The following CCSER1 variants were observed in gnomAD, a reference collection of about 807,000 sequenced individuals.
CCSER1 encodes the protein serine-rich coiled-coil domain-containing protein 1.
A neutral mutation model predicts 82.0 loss-of-function variants in CCSER1; 41 were observed. The ratio of observed to expected loss-of-function variants is 0.50; its 90% confidence interval spans 0.39 to 0.65. CCSER1 has a LOEUF of 0.65. Ranked by LOEUF, CCSER1 falls within the 30% of genes least tolerant of loss-of-function variation. The pLI, the probability that CCSER1 is intolerant of heterozygous loss-of-function variation, is 0.00. For missense variants in CCSER1, 1,119 were observed against 1,064.2 expected (o/e 1.05, Z -0.72); for synonymous variants, 414 against 383.9 (o/e 1.08, Z -0.92).
chr4:91,114,437 G>A (rs966016176), intron 10 of CCSER1, among the ~76,000 whole-genome samples: 3 of 152,144 alleles, frequency 2.0e-5, no homozygotes, highest in African/African-American at 7.2e-5. Context: ...GTTCCTGCCT[G>A]CTCAGTCAAG....
At chr4:91,237,266 TAAGA>T (rs1436360009) in intron 10 of CCSER1, among the ~76,000 whole-genome samples, 1 of 151,894 alleles carries the variant, frequency 6.6e-6, no homozygotes. Flanking sequence ...TTTTAGAGTT[TAAGA>T]AAGATACTTA....
intron 5 of CCSER1, among the ~76,000 whole-genome samples, chr4:90,617,663 A>G (rs1052230076): frequency 6.6e-6 from 1 of 152,148 alleles, no homozygotes; most frequent in African/African-American, 2.4e-5. Flanking sequence ...ATAGCCATGT[A>G]TCATGTTTAT....
At chr4:90,787,224 T>A (rs897088) in intron 7 of CCSER1, among the ~76,000 whole-genome samples, 1 of 151,982 alleles carries the variant, frequency 6.6e-6, no homozygotes, top group South Asian at 2.1e-4. Context: ...AAGGACTTAA[T>A]ACAATTAGAA....
At chr4:91,460,750 G>T (rs1756457034) in intron 10 of CCSER1, among the ~76,000 whole-genome samples, 1 of 152,066 alleles carries the variant, frequency 6.6e-6, no homozygotes, top group South Asian at 2.1e-4. Flanking sequence ...CTCTTATTGT[G>T]AGTGGCCTTA....
At chr4:91,134,401 A>G (rs1728273431) in intron 10 of CCSER1, among the ~76,000 whole-genome samples, 1 of 151,226 alleles carries the variant, frequency 6.6e-6, no homozygotes, top group African/African-American at 2.4e-5. Flanking sequence ...AGTCAGGGCA[A>G]CACAGCAAGA....
At chr4:90,981,581 T>G (rs896102686) in intron 9 of CCSER1, among the ~76,000 whole-genome samples, 1 of 151,862 alleles carries the variant, frequency 6.6e-6, no homozygotes, top group African/African-American at 2.4e-5. Context: ...TTTGATTTAC[T>G]CATGAACTCC....
At chr4:90,946,947 A>G (rs1303153673) in intron 9 of CCSER1, among the ~76,000 whole-genome samples, 3 of 152,182 alleles carry the variant, frequency 2.0e-5, no homozygotes, top group Non-Finnish European at 4.4e-5. Context: ...TCAGCAAGCA[A>G]CGCTTCTCCA....
intron 8 of CCSER1, among the ~76,000 whole-genome samples, chr4:90,922,136 G>A (rs1032968549): frequency 6.6e-6 from 1 of 152,070 alleles, no homozygotes; most frequent in Admixed American, 6.6e-5. Flanking sequence ...CAGAAGTGAT[G>A]AGACTTTAAT....
chr4:90,847,339 G>T (rs970209588), intron 8 of CCSER1, among the ~76,000 whole-genome samples: 1 of 152,152 alleles, frequency 6.6e-6, no homozygotes, highest in Non-Finnish European at 1.5e-5. Context: ...TCTGGCCTGC[G>T]GCAGTGTCCC....
chr4:90,215,413 CTTG>C (rs1740832631), intron 1 of CCSER1, among the ~76,000 whole-genome samples: 1 of 152,158 alleles, frequency 6.6e-6, no homozygotes, highest in South Asian at 2.1e-4. Flanking sequence ...CCTTGACCTA[CTTG>C]TTTACAGGAA....
chr4:91,427,859 G>T (rs371417248), intron 10 of CCSER1, among the ~76,000 whole-genome samples: 2 of 152,044 alleles, frequency 1.3e-5, no homozygotes, highest in East Asian at 3.8e-4. Context: ...AAATGATTCT[G>T]TTAGTATGCT....
chr4:91,414,949 A>C (rs1753269269), intron 10 of CCSER1, among the ~76,000 whole-genome samples: 1 of 152,168 alleles, frequency 6.6e-6, no homozygotes, highest in Admixed American at 6.5e-5. Flanking sequence ...ATGTTAGTAG[A>C]ACTGAAGTAG....
intron 7 of CCSER1, among the ~76,000 whole-genome samples, chr4:90,790,448 C>G (rs924818951): frequency 7.9e-5 from 12 of 152,180 alleles, no homozygotes; most frequent in African/African-American, 2.9e-4. Flanking sequence ...TCCCCAAACT[C>G]TTGCCTCCAG....
chr4:91,123,469 A>G (rs933708176), intron 10 of CCSER1, among the ~76,000 whole-genome samples: 1 of 151,748 alleles, frequency 6.6e-6, no homozygotes, highest in African/African-American at 2.4e-5. Context: ...TATTTAATTG[A>G]TTAAGATACT....
intron 10 of CCSER1, among the ~76,000 whole-genome samples, chr4:91,171,800 T>C (rs560914982): frequency 6.6e-6 from 1 of 152,240 alleles, no homozygotes; most frequent in Non-Finnish European, 1.5e-5. Flanking sequence ...ACATAATTAT[T>C]TTGTTAACCT....
intron 6 of CCSER1, among the ~76,000 whole-genome samples, chr4:90,698,179 T>C (rs551582773): frequency 4.0e-4 from 61 of 152,170 alleles, no homozygotes; most frequent in Non-Finnish European, 7.9e-4. Context: ...CAGTTTTTTA[T>C]CTTGAGAGGG....
At chr4:90,240,356 A>G (rs181889528) in intron 1 of CCSER1, among the ~76,000 whole-genome samples, 10 of 152,298 alleles carry the variant, frequency 6.6e-5, no homozygotes, top group African/African-American at 2.4e-4. Flanking sequence ...TTTCTGGAGA[A>G]GGCCTTGGGA....
intron 8 of CCSER1, among the ~76,000 whole-genome samples, chr4:90,892,680 G>C (rs1326814751): frequency 6.6e-6 from 1 of 151,878 alleles, no homozygotes; most frequent in Admixed American, 6.6e-5. Context: ...GTGTTTAACA[G>C]TTATGTAGGC....
chr4:91,263,833 A>G (rs1741370987), intron 10 of CCSER1, among the ~76,000 whole-genome samples: 1 of 151,954 alleles, frequency 6.6e-6, no homozygotes, highest in Non-Finnish European at 1.5e-5. Flanking sequence ...CAATATTAAG[A>G]GTTTCCAAAG....
Sources: gnomAD v4.1 joint callset for allele counts (sites outside exome capture counted in the v4.1 genomes callset) on GRCh38, gnomAD v4.1.1 for gene constraint, MANE v1.5 for transcripts, NCBI Gene and HGNC (gene_info 2026-07-23, HGNC 2026-07-21) for gene names.